Variants in PSMA1 observed in about 807,000 individuals in gnomAD.
PSMA1 encodes proteasome 20S subunit alpha 1.
PSMA1 carries 3 observed loss-of-function variants against 38.4 expected under a neutral mutation model. That is an observed-to-expected ratio of 0.08 (90% CI 0.04 to 0.20). The LOEUF is 0.20. Among genes scored for constraint, PSMA1 ranks in the 10% least tolerant of loss-of-function variants. The pLI is 1.00. For synonymous variants in PSMA1, 101 were observed against 107.1 expected, an observed-to-expected ratio of 0.94 and a Z score of 0.35; for missense variants, 227 against 325.3, an observed-to-expected ratio of 0.70 and a Z score of 2.32.
intron 2 of PSMA1, among the ~76,000 whole-genome samples, chr11:14,600,407 C>T (rs369163904): frequency 1.4e-4 from 22 of 152,232 alleles, no homozygotes; most frequent in African/African-American, 4.6e-4. Context: ...CCGCTCAGTT[C>T]GAGTTTCCCA....
intron 2 of PSMA1, among the ~76,000 whole-genome samples, chr11:14,605,911 T>G (rs1046566160): frequency 7.2e-5 from 11 of 152,210 alleles, no homozygotes; most frequent in African/African-American, 1.7e-4. Flanking sequence ...AATGTTTGCT[T>G]TTGCTGTAAT....
chr11:14,560,120 G>A (rs778523373), intron 2 of PSMA1, among the ~76,000 whole-genome samples: 7 of 152,140 alleles, frequency 4.6e-5, no homozygotes, highest in Non-Finnish European at 1.0e-4. Context: ...TTATATGAGA[G>A]CTATCAGTGG....
At chr11:14,598,818 T>C (rs548262718) in intron 2 of PSMA1, among the ~76,000 whole-genome samples, 1 of 152,080 alleles carries the variant, frequency 6.6e-6, no homozygotes, top group East Asian at 1.9e-4. Flanking sequence ...CATTATTTGA[T>C]GCAGTTTATT....
chr11:14,586,775 T>A (rs367583403), intron 2 of PSMA1, among the ~76,000 whole-genome samples: 3 of 152,248 alleles, frequency 2.0e-5, no homozygotes, highest in African/African-American at 7.2e-5. Flanking sequence ...TCTTTCTTTT[T>A]TTTTTAGATG....
intron 2 of PSMA1, among the ~76,000 whole-genome samples, chr11:14,535,473 T>C (rs1359552007): frequency 6.6e-6 from 1 of 151,472 alleles, no homozygotes; most frequent in Non-Finnish European, 1.5e-5. Context: ...GACGGAGTTT[T>C]GCTCTTGTTG....
upstream of PSMA1, among the ~76,000 whole-genome samples, chr11:14,522,380 A>G (rs1851540999): frequency 6.6e-6 from 1 of 152,152 alleles, no homozygotes; most frequent in African/African-American, 2.4e-5. Context: ...TACCTGATGA[A>G]GAATTCATAG....
intron 2 of PSMA1, among the ~76,000 whole-genome samples, chr11:14,545,041 G>A (rs1453335712): frequency 1.5e-4 from 23 of 152,222 alleles, no homozygotes. Context: ...GGAGTAGAGA[G>A]TAACAGCTAA....
chr11:14,513,674 G>T lies in PSMA1; in HGVS notation c.440C>A (p.Thr147Asn), dbSNP rs1245417709. ...YDDMGPHIFQ[T>N]CPSANYFDCR... is the part of the protein sequence containing the mutation. ...GTCAAAATAGTTAGCAGATGGACAG[G>T]TTTGGAAAATGTGAGGGCCCATATC... Residue 147 changes from threonine to asparagine, a missense_variant, in exon 7 of 10, where the codon ACC (threonine) becomes AAC (asparagine). Physicochemically the swap from Thr to Asn is moderately conservative, Grantham distance 65. Transcript: ENST00000396394. 2 of 1,589,854 alleles carry T rather than the reference G, an allele frequency of 1.3e-6. No individual in the cohort carries two copies. Among genetic ancestry groups the T allele is most frequent in the Non-Finnish European group, 1.7e-6 (2 of 1,172,272 alleles).
chr11:14,509,713 G>GTTT (rs34597306), intron 8 of PSMA1, among the ~76,000 whole-genome samples: 20 of 109,938 alleles, frequency 1.8e-4, no homozygotes, highest in Admixed American at 4.6e-4. Flanking sequence ...CAAACCGGTT[G>GTTT]TTTTTTTTTT....
rs572453757 is a variant in PSMA1, at chr11:14,608,341, C to G, written c.21+2625G>C. On this transcript the variant is annotated intron_variant, in intron 2 of 10. Coordinates refer to the PSMA1 transcript ENST00000418988. ...TTAAGCCTGGGTCATACAGCGAGAC[C>G]CTGTCTCTATTATATATATATATAT... Among the ~76,000 whole-genome samples, 18 of 151,488 alleles carry G rather than the reference C, an allele frequency of 1.2e-4. No individual in the cohort carries two copies. In the South Asian group the frequency reaches 3.8e-3, roughly 32 times the overall value.
intron 2 of PSMA1, among the ~76,000 whole-genome samples, chr11:14,599,308 T>A (rs564682770): frequency 6.6e-6 from 1 of 152,316 alleles, no homozygotes; most frequent in African/African-American, 2.4e-5. Flanking sequence ...GGGGAAGTTC[T>A]CCTGGATAAT....
chr11:14,605,388 T>A (rs1213832969), intron 2 of PSMA1, among the ~76,000 whole-genome samples: 1 of 152,086 alleles, frequency 6.6e-6, no homozygotes, highest in Non-Finnish European at 1.5e-5. Context: ...GTCCATTAAT[T>A]TTTTTATTTT....
chr11:14,587,260 G>A (rs1168431831), intron 2 of PSMA1, among the ~76,000 whole-genome samples: 2 of 152,156 alleles, frequency 1.3e-5, no homozygotes, highest in Non-Finnish European at 2.9e-5. Flanking sequence ...GAAACGGGAA[G>A]AGAGAAGCCA....
At chr11:14,514,134 G>A (rs922601226) in intron 5 of PSMA1, 11 of 1,319,026 alleles carry the variant, frequency 8.3e-6, no homozygotes, top group Non-Finnish European at 1.1e-5. Context: ...GGATACAAGG[G>A]GTCTAGGATT....
intron 2 of PSMA1, among the ~76,000 whole-genome samples, chr11:14,576,333 T>G (rs1852214838): frequency 6.6e-6 from 1 of 152,236 alleles, no homozygotes. Flanking sequence ...CTTTTGATGT[T>G]TTAGTCATGA....
In PSMA1 at chr11:14,513,676, T is replaced by G; in HGVS notation, c.438A>C (p.Gln146His). ...GYDDMGPHIFQTCPSANYFDC... is the reference protein window; with the variant it reads ...GYDDMGPHIFHTCPSANYFDC... The stretch of plus-strand genomic sequence containing the variant: ...CAAAATAGTTAGCAGATGGACAGGT[T>G]TGGAAAATGTGAGGGCCCATATCCT... The change falls in exon 7 of 10, where the codon CAA (glutamine) becomes CAC (histidine). Residue 146 changes from glutamine to histidine, a missense_variant. By Grantham distance (24) the Gln-to-His change is conservative. Transcript: ENST00000396394. 3 of 1,589,576 alleles carry G rather than the reference T, an allele frequency of 1.9e-6. No homozygotes were observed. The highest frequency in any genetic ancestry group is 2.6e-6 in the Non-Finnish European group (3 of 1,172,214).
At chr11:14,590,849 T>C (rs1852405416) in intron 2 of PSMA1, among the ~76,000 whole-genome samples, 1 of 152,124 alleles carries the variant, frequency 6.6e-6, no homozygotes. Context: ...AATTAGGCAA[T>C]GGTTACCTCA....
chr11:14,582,782 C>T (rs1045721457), intron 2 of PSMA1, among the ~76,000 whole-genome samples: 3 of 151,654 alleles, frequency 2.0e-5, no homozygotes, highest in East Asian at 1.9e-4. Context: ...CCACCCATCT[C>T]GGCTTCCCAA....
At chr11:14,625,602 C>G (rs1422992582) in intron 1 of PSMA1, among the ~76,000 whole-genome samples, 1 of 152,188 alleles carries the variant, frequency 6.6e-6, no homozygotes, top group Non-Finnish European at 1.5e-5. Flanking sequence ...AATGTAGGCC[C>G]ATTCCTGTGA....
Sources: gnomAD v4.1 joint callset for allele counts (sites outside exome capture counted in the v4.1 genomes callset) on GRCh38, gnomAD v4.1.1 for gene constraint, MANE v1.5 for transcripts, NCBI Gene and HGNC (gene_info 2026-07-23, HGNC 2026-07-21) for gene names.